The following SSUH2 variants were observed in gnomAD, a reference collection of about 807,000 sequenced individuals.
SSUH2 encodes the protein protein SSUH2 homolog.
SSUH2 carries 47 observed loss-of-function variants against 55.3 expected under a neutral mutation model. The observed-to-expected ratio is 0.85, with a 90% CI of 0.67 to 1.08. The LOEUF (loss-of-function observed/expected upper bound fraction) is 1.08. Among genes scored for constraint, SSUH2 ranks in the 50% least tolerant of loss-of-function variants. SSUH2 has a pLI of 0.00. For synonymous variants in SSUH2, 212 were observed against 191.5 expected, an observed-to-expected ratio of 1.11 and a Z score of -0.89; for missense variants, 535 against 490.7, an observed-to-expected ratio of 1.09 and a Z score of -0.85.
chr3:8,675,554 T>C (rs1705147382), intron 3 of SSUH2, among the ~76,000 whole-genome samples: 1 of 151,720 alleles, frequency 6.6e-6, no homozygotes, highest in African/African-American at 2.4e-5. Context: ...GTACCTTACT[T>C]GTGATTTACT....
intron 1 of SSUH2, among the ~76,000 whole-genome samples, chr3:8,680,691 G>T (rs1214290302): frequency 1.3e-5 from 2 of 151,734 alleles, no homozygotes; most frequent in East Asian, 1.9e-4. Flanking sequence ...TGCCATACAT[G>T]AAGTCATATC....
chr3:8,631,978 G>T (rs1698876973), intron 5 of SSUH2, 71 bp downstream of exon 5: 1 of 1,266,038 alleles, frequency 7.9e-7, no homozygotes, highest in Non-Finnish European at 1.2e-6. Context: ...CCTGAGCCAA[G>T]TCCTGATATT....
intron 11 of SSUH2, among the ~76,000 whole-genome samples, chr3:8,620,411 T>C (rs1041583631): frequency 6.6e-6 from 1 of 152,222 alleles, no homozygotes; most frequent in African/African-American, 2.4e-5. Flanking sequence ...TCCCCAGCCA[T>C]GGGAACTGTG....
At chr3:8,626,373 C>T (rs1697531062) in intron 8 of SSUH2, 52 bp from the exon 9 acceptor site, 11 of 1,429,902 alleles carry the variant, frequency 7.7e-6, no homozygotes, top group Non-Finnish European at 1.1e-5. Flanking sequence ...GTCCTGGTGG[C>T]TTCCAGAGGC....
intron 3 of SSUH2, among the ~76,000 whole-genome samples, chr3:8,676,886 G>A (rs1401003995): frequency 6.9e-5 from 10 of 144,630 alleles, no homozygotes; most frequent in African/African-American, 2.6e-4. Context: ...TCCCCCGTGA[G>A]GCGGGGACAG....
chr3:8,623,103 A>G (rs1696777095), intron 11 of SSUH2, among the ~76,000 whole-genome samples: 1 of 152,204 alleles, frequency 6.6e-6, no homozygotes, highest in South Asian at 2.1e-4. Context: ...CCTTGTGGCC[A>G]TCAGGATACA....
intron 5 of SSUH2, chr3:8,663,999 G>A (rs1029781802): frequency 5.7e-6 from 2 of 353,956 alleles, no homozygotes; most frequent in Non-Finnish European, 1.1e-5. Context: ...TAAGGGAAGT[G>A]CTGGGAGACC....
At chr3:8,665,554 T>C (rs142734983) in intron 5 of SSUH2, among the ~76,000 whole-genome samples, 18 of 152,190 alleles carry the variant, frequency 1.2e-4, no homozygotes, top group African/African-American at 4.3e-4. Flanking sequence ...AAAAAATAAG[T>C]AAATCTTGTT....
intron 7 of SSUH2, among the ~76,000 whole-genome samples, chr3:8,653,077 T>C (rs919120700): frequency 2.6e-5 from 4 of 152,164 alleles, no homozygotes; most frequent in Non-Finnish European, 5.9e-5. Context: ...AAAACCGAAA[T>C]GATAGCCACA....
chr3:8,634,463 T>C, intron 3 of SSUH2: 3 of 1,290,038 alleles, frequency 2.3e-6, no homozygotes, highest in Non-Finnish European at 2.0e-6. Flanking sequence ...TGCATCTTCA[T>C]GCATTTCTCC....
chr3:8,645,893 A>T (rs1328914114), upstream of SSUH2, among the ~76,000 whole-genome samples: 1 of 152,208 alleles, frequency 6.6e-6, no homozygotes, highest in African/African-American at 2.4e-5. Context: ...ATGCAAGTGC[A>T]ACCTTCAGCA....
chr3:8,657,399 A>G (rs745729263), intron 7 of SSUH2, among the ~76,000 whole-genome samples: 1 of 152,072 alleles, frequency 6.6e-6, no homozygotes, highest in Non-Finnish European at 1.5e-5. Context: ...GAAGCCCAAG[A>G]CTCAGCCCCT....
chr3:8,627,610 T>C (rs2125125194), intron 8 of SSUH2, 88 bp downstream of exon 8: 1 of 1,136,622 alleles, frequency 8.8e-7, no homozygotes, highest in East Asian at 2.6e-5. Flanking sequence ...ACGAGACAGA[T>C]GGGTTCCTGT....
At chr3:8,625,419 T>C in intron 10 of SSUH2, 123 bp downstream of exon 10, 1 of 630,494 alleles carries the variant, frequency 1.6e-6, no homozygotes, top group East Asian at 2.8e-5. Flanking sequence ...TCTGGGGAGC[T>C]CTGCTCCTAC....
At chr3:8,656,861 T>C (rs577279581) in intron 7 of SSUH2, among the ~76,000 whole-genome samples, 2 of 134,816 alleles carry the variant, frequency 1.5e-5, no homozygotes, top group African/African-American at 5.4e-5. Flanking sequence ...CTTCATTTTT[T>C]GGTTTGTTTG....
At chr3:8,644,114 C>T (rs1272908245) in intron 1 of SSUH2, among the ~76,000 whole-genome samples, 2 of 152,134 alleles carry the variant, frequency 1.3e-5, no homozygotes, top group Non-Finnish European at 2.9e-5. Flanking sequence ...TTTTAAATAG[C>T]TCTGAGAATC....
At chr3:8,668,626 G>A (rs1301750314) in intron 5 of SSUH2, among the ~76,000 whole-genome samples, 4 of 152,186 alleles carry the variant, frequency 2.6e-5, no homozygotes, top group African/African-American at 7.2e-5. Flanking sequence ...CAAGCAGTGA[G>A]TACAATTTTC....
intron 7 of SSUH2, among the ~76,000 whole-genome samples, chr3:8,650,006 G>A (rs187766688): frequency 6.6e-6 from 1 of 152,046 alleles, no homozygotes; most frequent in Non-Finnish European, 1.5e-5. Context: ...CCTCCTCATC[G>A]TTCCTGGGTC....
intron 3 of SSUH2, among the ~76,000 whole-genome samples, chr3:8,677,055 C>A (rs1487490459): frequency 6.7e-6 from 1 of 149,400 alleles, no homozygotes. Context: ...GAGGCGGGGA[C>A]TGCGAGCCAG....
Sources: gnomAD v4.1 joint callset for allele counts (sites outside exome capture counted in the v4.1 genomes callset) on GRCh38, gnomAD v4.1.1 for gene constraint, MANE v1.5 for transcripts, NCBI Gene and HGNC (gene_info 2026-07-23, HGNC 2026-07-21) for gene names.